The following NCAM2 variants were observed in gnomAD, a reference collection of about 807,000 sequenced individuals.
NCAM2 encodes the protein N-CAM-2.
NCAM2 carries 30 observed loss-of-function variants against 98.1 expected under a neutral mutation model. That is an observed-to-expected ratio of 0.31 (90% confidence interval 0.23 to 0.41). The LOEUF is 0.41. Ranked by LOEUF, NCAM2 falls within the 10% of genes least tolerant of loss-of-function variation. The pLI is 1.00. For synonymous variants in NCAM2, 368 were observed against 342.4 expected (o/e 1.07, Z -0.83); for missense variants, 867 against 1,005.8 (o/e 0.86, Z 1.87).
At chr21:21,472,235 T>C (rs1228526297) in intron 14 of NCAM2, among the ~76,000 whole-genome samples, 1 of 152,002 alleles carries the variant, frequency 6.6e-6, no homozygotes, top group East Asian at 1.9e-4. Flanking sequence ...TGTAAGGAAG[T>C]ACTATAGGGA....
chr21:21,243,431 ATTACCC>A (rs2071145653), intron 1 of NCAM2, among the ~76,000 whole-genome samples: 3 of 152,184 alleles, frequency 2.0e-5, no homozygotes, highest in Admixed American at 6.5e-5. Flanking sequence ...TTGGTGCTAT[ATTACCC>A]TTTTTGGGGT....
intron 5 of NCAM2, among the ~76,000 whole-genome samples, chr21:21,313,113 CT>C (rs1226514148): frequency 6.6e-6 from 1 of 151,798 alleles, no homozygotes; most frequent in Non-Finnish European, 1.5e-5. Flanking sequence ...GTCATCTCTC[CT>C]TTTTTCATCC....
At chr21:21,226,300 T>G (rs1244412607) in intron 1 of NCAM2, among the ~76,000 whole-genome samples, 1 of 151,906 alleles carries the variant, frequency 6.6e-6, no homozygotes. Flanking sequence ...TACCCCCAAA[T>G]TTAAAATTAA....
intron 8 of NCAM2, among the ~76,000 whole-genome samples, chr21:21,350,051 A>G (rs2075293376): frequency 6.6e-6 from 1 of 152,134 alleles, no homozygotes; most frequent in African/African-American, 2.4e-5. Context: ...TGTACATTTT[A>G]AAATAACTTA....
intron 1 of NCAM2, among the ~76,000 whole-genome samples, chr21:21,214,392 C>A (rs778639608): frequency 2.0e-5 from 3 of 151,924 alleles, no homozygotes; most frequent in Non-Finnish European, 4.4e-5. Context: ...TTTTGCAAAG[C>A]TTAGTGAAAA....
intron 1 of NCAM2, among the ~76,000 whole-genome samples, chr21:21,185,295 T>G (rs1460182940): frequency 1.3e-5 from 2 of 152,146 alleles, no homozygotes; most frequent in Admixed American, 1.3e-4. Flanking sequence ...CTTCATTACT[T>G]TTGAGAGTAG....
At chr21:21,232,283 C>T (rs774945015) in intron 1 of NCAM2, among the ~76,000 whole-genome samples, 2 of 151,576 alleles carry the variant, frequency 1.3e-5, no homozygotes, top group Non-Finnish European at 3.0e-5. Context: ...TTGAACAACA[C>T]ATAAATGGAT....
chr21:21,147,307 A>G, intron 1 of NCAM2: 2 of 978,598 alleles, frequency 2.0e-6, no homozygotes, highest in South Asian at 4.7e-5. Context: ...GCTAAAAAAA[A>G]GACAATTTAT....
At chr21:21,378,819 T>A (rs1430100076) in intron 9 of NCAM2, among the ~76,000 whole-genome samples, 1 of 152,118 alleles carries the variant, frequency 6.6e-6, no homozygotes, top group Non-Finnish European at 1.5e-5. Flanking sequence ...TTGCAGATTG[T>A]GTGGATATAT....
intron 1 of NCAM2, among the ~76,000 whole-genome samples, chr21:21,244,931 C>G (rs954025702): frequency 1.1e-4 from 16 of 150,352 alleles, no homozygotes; most frequent in African/African-American, 3.7e-4. Flanking sequence ...GTTTTCCCAA[C>G]TGCTTCCTTG....
At chr21:21,296,316 G>A (rs958219756) in intron 5 of NCAM2, among the ~76,000 whole-genome samples, 1 of 151,728 alleles carries the variant, frequency 6.6e-6, no homozygotes, top group African/African-American at 2.4e-5. Flanking sequence ...AGAGTACCTT[G>A]GTATTAAAGA....
chr21:21,126,397 C>A (rs1309946471), intron 1 of NCAM2, among the ~76,000 whole-genome samples: 1 of 151,784 alleles, frequency 6.6e-6, no homozygotes, highest in African/African-American at 2.4e-5. Flanking sequence ...CATACACATC[C>A]ATACATATGC....
intron 15 of NCAM2, among the ~76,000 whole-genome samples, chr21:21,495,957 C>G (rs987757226): frequency 2.7e-5 from 4 of 149,958 alleles, no homozygotes; most frequent in Non-Finnish European, 5.9e-5. Flanking sequence ...ATGTATCTTA[C>G]TCTTCCCAAT....
At chr21:21,383,140 A>G (rs2076195265) in intron 9 of NCAM2, among the ~76,000 whole-genome samples, 1 of 152,106 alleles carries the variant, frequency 6.6e-6, no homozygotes, top group African/African-American at 2.4e-5. Context: ...TATTGTAAAT[A>G]TTATGTTGTG....
At chr21:21,219,815 G>T (rs9979911) in intron 1 of NCAM2, among the ~76,000 whole-genome samples, 10,523 of 152,214 alleles carry the variant, frequency 0.069, 747 homozygotes, top group East Asian at 0.34. Context: ...TGCCCCTGAA[G>T]ACTTTCCAGT....
At chr21:21,232,200 T>C (rs1410539948) in intron 1 of NCAM2, among the ~76,000 whole-genome samples, 1 of 151,528 alleles carries the variant, frequency 6.6e-6, no homozygotes, top group African/African-American at 2.4e-5. Context: ...CTAGAGTTAC[T>C]TAAATTTTTA....
intron 1 of NCAM2, among the ~76,000 whole-genome samples, chr21:21,187,861 T>A (rs2068692704): frequency 6.6e-6 from 1 of 152,148 alleles, no homozygotes; most frequent in African/African-American, 2.4e-5. Context: ...GTCGTCAGGG[T>A]CAGCTAAATA....
chr21:21,383,302 G>A (rs1331972600), intron 9 of NCAM2, among the ~76,000 whole-genome samples: 1 of 152,114 alleles, frequency 6.6e-6, no homozygotes, highest in Non-Finnish European at 1.5e-5. Context: ...TGCAGAGCTA[G>A]GGCATAGGCT....
chr21:21,412,370 G>A (rs761343262), intron 10 of NCAM2, among the ~76,000 whole-genome samples: 22 of 152,234 alleles, frequency 1.4e-4, no homozygotes, highest in Admixed American at 9.8e-4. Flanking sequence ...CATTCACACC[G>A]GAATTTAGGG....
Sources: allele counts gnomAD v4.1 joint callset (sites outside exome capture counted in the v4.1 genomes callset), GRCh38; gene constraint gnomAD v4.1.1; transcripts MANE v1.5; gene names NCBI Gene and HGNC (gene_info 2026-07-23, HGNC 2026-07-21).